Variants in NELL2 observed in about 807,000 individuals in gnomAD.
The protein encoded by NELL2 is protein kinase C-binding protein NELL2.
In NELL2, 41 loss-of-function variants were observed where a neutral mutation model predicts 109.6. That is an observed-to-expected ratio of 0.37 (90% confidence interval 0.29 to 0.49). The LOEUF is 0.49. Among genes scored for constraint, NELL2 ranks in the 20% least tolerant of loss-of-function variants. The pLI is 0.98. For missense variants in NELL2, 900 were observed against 1,008.3 expected, an observed-to-expected ratio of 0.89 and a Z score of 1.45; for synonymous variants, 355 against 344.7, an observed-to-expected ratio of 1.03 and a Z score of -0.33.
At chr12:44,758,548 G>A (rs968464456) in intron 9 of NELL2, among the ~76,000 whole-genome samples, 1 of 152,094 alleles carries the variant, frequency 6.6e-6, no homozygotes, top group Non-Finnish European at 1.5e-5. Flanking sequence ...CATGAAAGAG[G>A]GGTCAAAATA....
chr12:44,566,522 A>G (rs984663605), intron 15 of NELL2, among the ~76,000 whole-genome samples: 7 of 105,050 alleles, frequency 6.7e-5, no homozygotes, highest in Non-Finnish European at 1.3e-4. Context: ...ACTAGTAGAT[A>G]TTACACATAC....
chr12:44,703,605 A>C (rs1937679453), intron 12 of NELL2, 121 bp downstream of exon 12: 1 of 1,044,006 alleles, frequency 9.6e-7, no homozygotes. Flanking sequence ...AATATGCTTC[A>C]AATTAAATTC....
chr12:44,526,659 A>G (rs1941788177), intron 16 of NELL2, among the ~76,000 whole-genome samples: 1 of 152,240 alleles, frequency 6.6e-6, no homozygotes, highest in Non-Finnish European at 1.5e-5. Context: ...TTAGAAAGAG[A>G]GATCAAGAAC....
In NELL2 at chr12:44,508,960, C is replaced by T. The variant is rs769042415; in HGVS notation, c.2425G>A (p.Asp809Asn). 13 of 1,612,632 alleles carry T rather than the reference C, an allele frequency of 8.1e-6. No homozygotes were observed. The South Asian group carries it at 1.3e-4, about 16-fold the overall frequency. Residue 809 changes from aspartate to asparagine, a missense_variant, in exon 20 of 20, where the codon GAT becomes AAT. By Grantham distance (23) the Asp-to-Asn change is conservative. Coordinates refer to ENST00000429094, the MANE Select transcript of NELL2 (RefSeq NM_001145108.2). ...CACAGTTCCTGAAGGCACTGTGGAT[C>T]CACTGAGCAACAGATGTGGCCATTC... is the stretch of plus-strand genomic sequence containing the variant. Reference protein sequence around the residue: ...CKNGHICCSVDPQCLQEL With the variant: ...CKNGHICCSVNPQCLQEL
chr12:44,915,053 G>A (rs1277523821), upstream of NELL2, among the ~76,000 whole-genome samples: 1 of 151,978 alleles, frequency 6.6e-6, no homozygotes, highest in Non-Finnish European at 1.5e-5. Context: ...GGGTTTCACC[G>A]TGTTAGCCAG....
chr12:44,566,672 T>C (rs1171639512), intron 15 of NELL2, among the ~76,000 whole-genome samples: 2 of 152,164 alleles, frequency 1.3e-5, no homozygotes, highest in Non-Finnish European at 2.9e-5. Flanking sequence ...ATCTCGGCAA[T>C]GGCCATTTAA....
At chr12:44,722,977 A>G (rs1372174000) in intron 9 of NELL2, among the ~76,000 whole-genome samples, 1 of 152,128 alleles carries the variant, frequency 6.6e-6, no homozygotes, top group South Asian at 2.1e-4. Flanking sequence ...TCACAAGTTC[A>G]GGAGATTGAG....
intron 15 of NELL2, among the ~76,000 whole-genome samples, chr12:44,570,034 TTTATC>T (rs1943806558): frequency 6.6e-6 from 1 of 152,212 alleles, no homozygotes; most frequent in South Asian, 2.1e-4. Flanking sequence ...TTTTTCTTCT[TTTATC>T]TGAGCAGAAG....
intron 15 of NELL2, among the ~76,000 whole-genome samples, chr12:44,554,953 G>T (rs1481583150): frequency 6.6e-6 from 1 of 152,166 alleles, no homozygotes; most frequent in Admixed American, 6.5e-5. Flanking sequence ...CACAGACACA[G>T]GTTTAGAAAC....
At chr12:44,526,058 G>A (rs1941757107) in intron 16 of NELL2, among the ~76,000 whole-genome samples, 2 of 152,096 alleles carry the variant, frequency 1.3e-5, no homozygotes, top group Non-Finnish European at 1.5e-5. Context: ...GCATGTAGCT[G>A]AAGAGCTACT....
intron 2 of NELL2, among the ~76,000 whole-genome samples, chr12:44,869,684 CAT>C (rs1424961000): frequency 6.6e-6 from 1 of 152,118 alleles, no homozygotes; most frequent in Non-Finnish European, 1.5e-5. Context: ...ATCTATGAGT[CAT>C]ATGTTCTTCA....
At chr12:44,656,940 G>A (rs1038483955) in intron 13 of NELL2, among the ~76,000 whole-genome samples, 2 of 152,150 alleles carry the variant, frequency 1.3e-5, no homozygotes, top group Non-Finnish European at 2.9e-5. Context: ...CAATAACATT[G>A]CTGCCTTTTC....
In NELL2 at chr12:44,735,539, T is replaced by C. The variant is rs147339980; in HGVS notation, c.995-20798A>G. Among the ~76,000 whole-genome samples, 5 of 152,314 alleles carry C rather than the reference T, an allele frequency of 3.3e-5. No homozygotes were observed. The East Asian group carries it at 9.6e-4, about 29-fold the overall frequency. On this transcript the variant is annotated intron_variant, in intron 9 of 19. Transcript: ENST00000429094. ...CTGGTTTTGGAATTCCAGCTTATTG[T>C]GATGAGGGTCTGTTGAATGCTTCCT...
In NELL2 at chr12:44,758,920, C is replaced by T. The variant is rs1941006400; in HGVS notation, c.994+15827G>A. Among the ~76,000 whole-genome samples the T allele has an allele frequency of 2.0e-5, 3 of 152,168 alleles. No homozygotes were observed. The South Asian group carries it at 6.2e-4, about 32-fold the overall frequency. ...TTGAAACACTGCCCCAAAAGTAAAACTTCATGCCTCTGACATACCATGTAT... is the reference window on the plus strand; with the variant it reads ...TTGAAACACTGCCCCAAAAGTAAAATTTCATGCCTCTGACATACCATGTAT... On this transcript the variant is annotated intron_variant, in intron 9 of 19. Coordinates refer to ENST00000429094, the MANE Select transcript of NELL2 (RefSeq NM_001145108.2).
intron 12 of NELL2, among the ~76,000 whole-genome samples, chr12:44,702,899 G>A (rs1348257584): frequency 6.6e-6 from 1 of 152,194 alleles, no homozygotes; most frequent in Non-Finnish European, 1.5e-5. Flanking sequence ...CAGAAGCTGT[G>A]TGTTTATACC....
intron 15 of NELL2, among the ~76,000 whole-genome samples, chr12:44,555,901 A>G (rs1384240514): frequency 6.6e-6 from 1 of 152,170 alleles, no homozygotes; most frequent in East Asian, 1.9e-4. Flanking sequence ...GGCACCAGGC[A>G]CCAGAGATCT....
chr12:44,752,756 C>T (rs939895653), intron 9 of NELL2, among the ~76,000 whole-genome samples: 2 of 152,110 alleles, frequency 1.3e-5, no homozygotes, highest in Admixed American at 6.6e-5. Context: ...CTCTACCCAG[C>T]ACCATCATTC....
At chr12:44,910,492 C>G (rs1271506428) in intron 1 of NELL2, among the ~76,000 whole-genome samples, 1 of 151,944 alleles carries the variant, frequency 6.6e-6, no homozygotes, top group Non-Finnish European at 1.5e-5. Context: ...GAAAGGAGAA[C>G]TTATGCACTG....
chr12:44,569,842 A>T (rs1592135605), intron 15 of NELL2, among the ~76,000 whole-genome samples: 1 of 152,170 alleles, frequency 6.6e-6, no homozygotes, highest in East Asian at 1.9e-4. Flanking sequence ...TAACTCAAAA[A>T]CATTTTTCTC....
Sources: gnomAD v4.1 joint callset for allele counts (sites outside exome capture counted in the v4.1 genomes callset) on GRCh38, gnomAD v4.1.1 for gene constraint, MANE v1.5 for transcripts, NCBI Gene and HGNC (gene_info 2026-07-23, HGNC 2026-07-21) for gene names.